Variants in LSAMP observed in about 807,000 individuals in gnomAD.
LSAMP encodes the protein limbic system associated membrane protein, also known as limbic system-associated membrane protein.
LSAMP carries 7 observed loss-of-function variants against 38.6 expected under a neutral mutation model. That is an observed-to-expected ratio of 0.18 (90% CI 0.10 to 0.34). LSAMP has a LOEUF of 0.34. LSAMP is among the 10% of genes least tolerant of loss of function. LSAMP has a pLI of 1.00. For synonymous variants in LSAMP, 154 were observed against 166.8 expected, an observed-to-expected ratio of 0.92 and a Z score of 0.59; for missense variants, 313 against 420.0, an observed-to-expected ratio of 0.75 and a Z score of 2.23.
chr3:116,432,422 A>G (rs150642106), intron 1 of LSAMP, among the ~76,000 whole-genome samples: 3 of 151,850 alleles, frequency 2.0e-5, no homozygotes, highest in Non-Finnish European at 4.4e-5. Context: ...CAAATTAATT[A>G]TACTTCATAA....
intron 1 of LSAMP, among the ~76,000 whole-genome samples, chr3:116,420,592 C>A (rs557335975): frequency 6.6e-6 from 1 of 152,050 alleles, no homozygotes; most frequent in African/African-American, 2.4e-5. Flanking sequence ...TTGGGCCGGG[C>A]GCGGTGGCTC....
chr3:115,930,001 A>ATTTTTTTT (rs1559885246), intron 3 of LSAMP, among the ~76,000 whole-genome samples: 5 of 25,342 alleles, frequency 2.0e-4, no homozygotes, highest in East Asian at 2.1e-3. Flanking sequence ...ATTTAGCAGA[A>ATTTTTTTT]GTTTTTTTTT....
intron 1 of LSAMP, among the ~76,000 whole-genome samples, chr3:116,259,666 T>C (rs899826513): frequency 2.6e-5 from 4 of 152,182 alleles, no homozygotes; most frequent in Admixed American, 6.6e-5. Context: ...GTAGCTGTGG[T>C]GCTGGTGGTG....
chr3:116,367,335 A>G (rs374055497), intron 1 of LSAMP, among the ~76,000 whole-genome samples: 1 of 152,158 alleles, frequency 6.6e-6, no homozygotes, highest in African/African-American at 2.4e-5. Flanking sequence ...ATCCACTACT[A>G]AGGCAGCAGA....
At chr3:116,199,494 T>G (rs2045961542) in intron 1 of LSAMP, among the ~76,000 whole-genome samples, 1 of 152,216 alleles carries the variant, frequency 6.6e-6, no homozygotes, top group African/African-American at 2.4e-5. Context: ...TATTCAATTT[T>G]GTGGTCCCAG....
chr3:116,110,515 C>T (rs1384131102), intron 1 of LSAMP, among the ~76,000 whole-genome samples: 1 of 152,158 alleles, frequency 6.6e-6, no homozygotes, highest in African/African-American at 2.4e-5. Context: ...AACGTGTCTC[C>T]TTTGTCTCTA....
Position 116,022,231 on chromosome 3 carries a change from T to C in LSAMP, c.389-2591A>G, listed in dbSNP as rs948648929. On this transcript the variant is annotated intron_variant, in intron 2 of 6. Coordinates refer to ENST00000490035, the MANE Select transcript of LSAMP (RefSeq NM_002338.5). ...AAGAAATTTCTCCCTAAACTCTTAT[T>C]AACTTCTTTTTTTTTTTTCTTTTTT... is the stretch of plus-strand genomic sequence containing the variant. Among the ~76,000 whole-genome samples the C allele has an allele frequency of 2.3e-5, 3 of 129,604 alleles. 1 individual carries two copies. Among genetic ancestry groups the C allele is most frequent in the South Asian group, 2.2e-4 (1 of 4,488 alleles). 85.0% of individuals were successfully genotyped at this position (129,604 alleles called of 152,430 possible). A position where few individuals can be genotyped will look rare whatever the true frequency, so the allele number is the denominator to read the frequency against.
intron 1 of LSAMP, among the ~76,000 whole-genome samples, chr3:116,218,022 G>A (rs2046241021): frequency 6.6e-6 from 1 of 152,136 alleles, no homozygotes; most frequent in East Asian, 1.9e-4. Context: ...AGCATGTGAA[G>A]TTGCTACTGA....
chr3:115,965,519 G>A (rs1047523009), intron 3 of LSAMP, among the ~76,000 whole-genome samples: 13 of 150,002 alleles, frequency 8.7e-5, no homozygotes, highest in African/African-American at 3.2e-4. Flanking sequence ...ATAAATTCAA[G>A]TAAATTAAGC....
intron 1 of LSAMP, among the ~76,000 whole-genome samples, chr3:116,395,721 G>C (rs1044530845): frequency 6.6e-6 from 1 of 152,156 alleles, no homozygotes; most frequent in African/African-American, 2.4e-5. Flanking sequence ...TTCATGGAAG[G>C]GGAATATGTT....
At position 116,023,312 on chromosome 3, in the gene LSAMP, C is replaced by T. The variant is rs1322578486; in HGVS notation, c.389-3672G>A. On this transcript the variant is annotated intron_variant, in intron 2 of 6. Coordinates refer to ENST00000490035, the MANE Select transcript of LSAMP (RefSeq NM_002338.5). The stretch of plus-strand genomic sequence containing the variant: ...AATGAGAAAATATTAAAAATGGTTT[C>T]GGCCAGGTACGGTGGCTCACGCCTG... 6.6e-5 allele frequency among the ~76,000 whole-genome samples: 10 copies of T among 151,752 alleles called. No individual in the cohort carries two copies. In the South Asian group the frequency reaches 8.3e-4, roughly 13 times the overall value.
At chr3:116,343,106 A>G (rs976128266) in intron 1 of LSAMP, among the ~76,000 whole-genome samples, 3 of 152,088 alleles carry the variant, frequency 2.0e-5, no homozygotes, top group African/African-American at 7.2e-5. Context: ...ACAAAACAAC[A>G]ATAACAACAA....
chr3:116,354,420 A>G (rs2048191662), intron 1 of LSAMP, among the ~76,000 whole-genome samples: 1 of 152,194 alleles, frequency 6.6e-6, no homozygotes, highest in Non-Finnish European at 1.5e-5. Context: ...CTCTACTGCT[A>G]TTGGAGACAT....
intron 2 of LSAMP, among the ~76,000 whole-genome samples, chr3:116,026,277 C>T (rs1034808764): frequency 2.6e-5 from 4 of 152,100 alleles, no homozygotes; most frequent in Admixed American, 2.6e-4. Flanking sequence ...TTCCTTTATC[C>T]ACCCTCTACC....
chr3:115,863,603 A>C (rs367622236), intron 3 of LSAMP, among the ~76,000 whole-genome samples: 3 of 151,888 alleles, frequency 2.0e-5, no homozygotes, highest in South Asian at 4.2e-4. Flanking sequence ...TATATAAATA[A>C]ATGTTTACAT....
At chr3:116,352,240 A>G (rs1190987669) in intron 1 of LSAMP, among the ~76,000 whole-genome samples, 1 of 152,100 alleles carries the variant, frequency 6.6e-6, no homozygotes, top group Non-Finnish European at 1.5e-5. Context: ...CCTGATCATC[A>G]TTGATGTGGA....
chr3:116,058,249 TGTAAA>T (rs1941527601), intron 2 of LSAMP, among the ~76,000 whole-genome samples: 1 of 152,116 alleles, frequency 6.6e-6, no homozygotes. Flanking sequence ...TTTCCTCCTT[TGTAAA>T]GTAAAGAGCA....
At chr3:116,292,276 G>GTCTC (rs1221960984) in intron 1 of LSAMP, among the ~76,000 whole-genome samples, 1 of 152,066 alleles carries the variant, frequency 6.6e-6, no homozygotes, top group Non-Finnish European at 1.5e-5. Flanking sequence ...TTAATCCTGG[G>GTCTC]TCTCACTACG....
At chr3:116,282,146 G>A (rs1050194663) in intron 1 of LSAMP, among the ~76,000 whole-genome samples, 1 of 152,176 alleles carries the variant, frequency 6.6e-6, no homozygotes, top group African/African-American at 2.4e-5. Context: ...TGCTGGGCAG[G>A]ACTTCATTGA....
Sources: allele counts gnomAD v4.1 joint callset (sites outside exome capture counted in the v4.1 genomes callset), GRCh38; gene constraint gnomAD v4.1.1; transcripts MANE v1.5; gene names NCBI Gene and HGNC (gene_info 2026-07-23, HGNC 2026-07-21).